Variants in CFAP70 observed in about 807,000 individuals in gnomAD.
CFAP70 encodes cilia and flagella associated protein 70.
A neutral mutation model predicts 137.6 loss-of-function variants in CFAP70; 81 were observed. The observed-to-expected ratio is 0.59, with a 90% CI of 0.49 to 0.71. The LOEUF (loss-of-function observed/expected upper bound fraction) is 0.71. Among genes scored for constraint, CFAP70 ranks in the 30% least tolerant of loss-of-function variants. The probability of loss-of-function intolerance (pLI) is 0.00; values close to 1 mark genes in which losing one functional copy is unlikely to be tolerated. For missense variants in CFAP70, 976 were observed against 1,226.7 expected (o/e 0.80, Z 3.05); for synonymous variants, 382 against 423.6 (o/e 0.90, Z 1.20).
At chr10:73,299,578 T>G (rs751865663) in intron 13 of CFAP70, 27 bp downstream of exon 14, 1 of 1,600,264 alleles carries the variant, frequency 6.2e-7, no homozygotes, top group Non-Finnish European at 8.6e-7. Flanking sequence ...TTATTACTTA[T>G]CATTTCAACT....
intron 5 of CFAP70, among the ~76,000 whole-genome samples, chr10:73,344,559 G>A (rs969763981): frequency 2.0e-5 from 3 of 152,170 alleles, no homozygotes; most frequent in Non-Finnish European, 4.4e-5. Context: ...ACTTTAGTGG[G>A]TCATCCACAT....
chr10:73,293,193 A>T, intron 16 of CFAP70, 70 bp downstream of exon 17: 2 of 1,497,404 alleles, frequency 1.3e-6, no homozygotes, highest in Non-Finnish European at 8.9e-7. Context: ...GATTTTAAAC[A>T]ATCAAAAATT....
At chr10:73,333,461 AG>A (rs1268080950) in intron 7 of CFAP70, among the ~76,000 whole-genome samples, 1 of 152,098 alleles carries the variant, frequency 6.6e-6, no homozygotes, top group African/African-American at 2.4e-5. Context: ...AACTATATCT[AG>A]GCATATCATT....
intron 25 of CFAP70, among the ~76,000 whole-genome samples, chr10:73,266,601 T>G (rs977819556): frequency 6.6e-6 from 1 of 152,212 alleles, no homozygotes. Context: ...GTTTAGATTT[T>G]GGGACATGTA....
intron 12 of CFAP70, among the ~76,000 whole-genome samples, chr10:73,305,736 C>T (rs1443942597): frequency 6.6e-6 from 1 of 152,072 alleles, no homozygotes; most frequent in African/African-American, 2.4e-5. Flanking sequence ...CCAAAATTCC[C>T]ACATGATAGT....
chr10:73,309,878 A>G (rs1306610778), intron 12 of CFAP70, among the ~76,000 whole-genome samples: 1 of 151,990 alleles, frequency 6.6e-6, no homozygotes, highest in African/African-American at 2.4e-5. Flanking sequence ...GCTGGTCTCA[A>G]ACTCCTGAGC....
At chr10:73,265,492 A>G (rs1418380269) in intron 25 of CFAP70, among the ~76,000 whole-genome samples, 1 of 152,132 alleles carries the variant, frequency 6.6e-6, no homozygotes, top group Non-Finnish European at 1.5e-5. Context: ...ATTTTTATTC[A>G]GGGGCATAGT....
At chr10:73,360,934 C>T (rs1034187044), upstream of CFAP70, among the ~76,000 whole-genome samples, 2 of 152,006 alleles carry the variant, frequency 1.3e-5, no homozygotes, top group African/African-American at 2.4e-5. Flanking sequence ...ATGTCACCTC[C>T]TTAAACATAA....
intron 7 of CFAP70, among the ~76,000 whole-genome samples, chr10:73,332,656 G>A (rs1393213372): frequency 6.6e-6 from 1 of 152,088 alleles, no homozygotes; most frequent in Non-Finnish European, 1.5e-5. Flanking sequence ...AACTGAGAGG[G>A]CTACAAACCC....
exon 27 of CFAP70, chr10:73,253,961 C>T (rs2044203851): frequency 1.3e-6 from 2 of 1,591,258 alleles, no homozygotes; most frequent in East Asian, 4.5e-5. Flanking sequence ...GAAAATTGTT[C>T]AGCTGGAGGG....
chr10:73,271,500 A>T (rs1379767480), intron 24 of CFAP70, among the ~76,000 whole-genome samples: 1 of 152,184 alleles, frequency 6.6e-6, no homozygotes, highest in Non-Finnish European at 1.5e-5. Flanking sequence ...TGACAGAGCT[A>T]TAAGAAGATA....
At chr10:73,331,393 TG>T in intron 7 of CFAP70, 117 bp from the exon 9 acceptor site, 1 of 870,036 alleles carries the variant, frequency 1.1e-6, no homozygotes. Context: ...ATATAAAAAT[TG>T]GGGGGCTCGG....
At chr10:73,319,442 A>C (rs2050672508) in intron 9 of CFAP70, among the ~76,000 whole-genome samples, 1 of 152,196 alleles carries the variant, frequency 6.6e-6, no homozygotes, top group Non-Finnish European at 1.5e-5. Flanking sequence ...AAATCTTTGA[A>C]TCTACCTACC....
At chr10:73,301,671 G>A (rs147637145) in intron 12 of CFAP70, among the ~76,000 whole-genome samples, 43 of 152,256 alleles carry the variant, frequency 2.8e-4, no homozygotes, top group African/African-American at 9.1e-4. Context: ...CAACTTTTGG[G>A]GTAATGATAG....
intron 6 of CFAP70, among the ~76,000 whole-genome samples, chr10:73,340,006 T>A (rs1189768111): frequency 6.6e-6 from 1 of 152,190 alleles, no homozygotes; most frequent in Non-Finnish European, 1.5e-5. Flanking sequence ...CCAGGAAGAA[T>A]GAGGTACACA....
chr10:73,298,078 G>A lies in CFAP70; in HGVS notation c.1512+829C>T, dbSNP rs78456500. Among the ~76,000 whole-genome samples, 1,174 of 152,298 alleles carry A rather than the reference G, an allele frequency of 7.7e-3. 14 individuals are homozygous for A. Among genetic ancestry groups the A allele is most frequent in the African/African-American group, 0.027 (1,110 of 41,566 alleles). ...ACACATAGTAAATGTGTGTACAAAG[G>A]CAGTGTAGTGTAGCAGTTAAGAATG... On this transcript the variant is annotated intron_variant, in intron 14 of 26. Coordinates refer to ENST00000310715, the Ensembl canonical transcript of CFAP70.
exon 7 of CFAP70, chr10:73,335,462 A>T: frequency 1.2e-6 from 2 of 1,611,404 alleles, no homozygotes; most frequent in Non-Finnish European, 1.7e-6. Flanking sequence ...GGTAGCAGCG[A>T]CTTTCCAAGT....
intron 25 of CFAP70, among the ~76,000 whole-genome samples, chr10:73,267,556 T>A (rs2045888539): frequency 6.6e-6 from 1 of 152,222 alleles, no homozygotes. Context: ...AGTGGCAACA[T>A]AACATTGCAA....
intron 10 of CFAP70, 74 bp downstream of exon 11, chr10:73,312,399 C>A: frequency 9.0e-7 from 1 of 1,106,676 alleles, no homozygotes. Context: ...TGATACCAGT[C>A]ACCAAGTGAG....
Sources: allele counts gnomAD v4.1 joint callset (sites outside exome capture counted in the v4.1 genomes callset), GRCh38; gene constraint gnomAD v4.1.1; transcripts MANE v1.5; gene names NCBI Gene and HGNC (gene_info 2026-07-23, HGNC 2026-07-21).